TBC1D14: variants seen among roughly 807,000 people sequenced by gnomAD.
TBC1D14 encodes the protein TBC1 domain family member 14.
A neutral mutation model predicts 79.0 loss-of-function variants in TBC1D14; 26 were observed. The observed-to-expected ratio is 0.33, with a 90% CI of 0.24 to 0.46. The LOEUF is 0.46. TBC1D14 is among the 20% of genes least tolerant of loss of function. The pLI is 1.00. For synonymous variants in TBC1D14, 394 were observed against 349.9 expected, an observed-to-expected ratio of 1.13 and a Z score of -1.40; for missense variants, 769 against 887.6, an observed-to-expected ratio of 0.87 and a Z score of 1.70.
intron 7 of TBC1D14, among the ~76,000 whole-genome samples, chr4:7,004,400 A>G (rs1213611572): frequency 2.0e-5 from 3 of 152,174 alleles, no homozygotes; most frequent in Non-Finnish European, 4.4e-5. Context: ...CTTGAAACCC[A>G]ATGATTCTCT....
rs1281176455 is a variant in TBC1D14, at chr4:7,006,527, G to A, written c.1352-105G>A. ...GATGTGATTAGGTCAGTGTGCTTCT[G>A]AAAAACTTTTTTCCGTGTTTTGTTC... On this transcript the variant is annotated intron_variant, in intron 8 of 13. Transcript: ENST00000409757. 4 of 934,998 alleles carry A rather than the reference G, an allele frequency of 4.3e-6. No homozygotes were observed. The African/African-American group carries it at 5.0e-5, about 12-fold the overall frequency. The allele number at this position is 934,998 out of a possible 1,614,324, so 57.9% of individuals were successfully genotyped here.
rs767446186 is a variant in TBC1D14, at chr4:7,030,402, G to A, written c.*10G>A. Reference sequence around the variant, plus strand: ...GTCCCTCCGACACTGAGGCTGCAGCGGGAATTCGCACTCGGCACCAATCAG... The same window carrying A: ...GTCCCTCCGACACTGAGGCTGCAGCAGGAATTCGCACTCGGCACCAATCAG... On this transcript the variant is annotated 3_prime_UTR_variant, in exon 14 of 14. Coordinates refer to ENST00000409757, the MANE Select transcript of TBC1D14 (RefSeq NM_020773.3). 3.7e-6 allele frequency: 6 copies of A among 1,613,682 alleles called. No individual in the cohort carries two copies. Among genetic ancestry groups the A allele is most frequent in the East Asian group, 2.2e-5 (1 of 44,872 alleles).
At chr4:6,989,285 C>T (rs1718240367) in intron 3 of TBC1D14, among the ~76,000 whole-genome samples, 1 of 152,132 alleles carries the variant, frequency 6.6e-6, no homozygotes, top group Non-Finnish European at 1.5e-5. Flanking sequence ...CCTCTCTCTC[C>T]TGGGGCTTGT....
intron 2 of TBC1D14, among the ~76,000 whole-genome samples, chr4:6,962,813 G>A (rs66978412): frequency 0.13 from 20,454 of 152,072 alleles, 1,818 homozygotes; most frequent in African/African-American, 0.24. Context: ...GCCTTGATTC[G>A]TCTGGGTTGC....
intron 13 of TBC1D14, among the ~76,000 whole-genome samples, chr4:7,028,571 C>T (rs1319140178): frequency 6.6e-6 from 1 of 151,968 alleles, no homozygotes; most frequent in Non-Finnish European, 1.5e-5. Context: ...GGATTACAGG[C>T]GCCCGCCTCC....
chr4:6,952,229 A>G (rs1165805946), intron 2 of TBC1D14, among the ~76,000 whole-genome samples: 3 of 152,220 alleles, frequency 2.0e-5, no homozygotes, highest in Admixed American at 1.3e-4. Context: ...TCGTTGAACC[A>G]GAGATTGCTG....
intron 2 of TBC1D14, among the ~76,000 whole-genome samples, chr4:6,962,654 C>G (rs1212908919): frequency 6.6e-6 from 1 of 152,010 alleles, no homozygotes; most frequent in Non-Finnish European, 1.5e-5. Flanking sequence ...CTACTGGCCA[C>G]CCCCCAGCTC....
intron 2 of TBC1D14, among the ~76,000 whole-genome samples, chr4:6,949,942 A>G (rs1001416801): frequency 6.6e-6 from 1 of 152,104 alleles, no homozygotes. Context: ...CATGTGCAGA[A>G]CATGCAGGTT....
chr4:6,926,717 T>C (rs894525840), intron 2 of TBC1D14, among the ~76,000 whole-genome samples: 2 of 152,244 alleles, frequency 1.3e-5, no homozygotes, highest in East Asian at 1.9e-4. Context: ...CCAGAATCTT[T>C]AGAGCTCACT....
chr4:6,989,022 A>G (rs1718201522), intron 3 of TBC1D14, among the ~76,000 whole-genome samples: 1 of 151,544 alleles, frequency 6.6e-6, no homozygotes, highest in African/African-American at 2.4e-5. Context: ...CCACAGGCAC[A>G]GCACCTCTGT....
intron 3 of TBC1D14, among the ~76,000 whole-genome samples, chr4:6,981,744 A>G (rs551680793): frequency 6.6e-6 from 1 of 152,236 alleles, no homozygotes; most frequent in African/African-American, 2.4e-5. Context: ...AGTGTCAGCT[A>G]CCATACTACC....
intron 3 of TBC1D14, among the ~76,000 whole-genome samples, chr4:6,969,266 T>G (rs1194934329): frequency 6.6e-6 from 1 of 152,208 alleles, no homozygotes; most frequent in Non-Finnish European, 1.5e-5. Flanking sequence ...TCTTAGGAAA[T>G]TAAATAACCA....
At chr4:6,990,243 G>A (rs1306719765) in intron 3 of TBC1D14, among the ~76,000 whole-genome samples, 1 of 152,202 alleles carries the variant, frequency 6.6e-6, no homozygotes, top group African/African-American at 2.4e-5. Flanking sequence ...GAGATCAGGA[G>A]TTCCAGACCA....
At chr4:6,959,705 T>C (rs1715004105) in intron 2 of TBC1D14, among the ~76,000 whole-genome samples, 1 of 152,168 alleles carries the variant, frequency 6.6e-6, no homozygotes, top group Non-Finnish European at 1.5e-5. Context: ...AATAAACATT[T>C]TTATGTCTCT....
intron 3 of TBC1D14, among the ~76,000 whole-genome samples, chr4:6,982,871 C>A (rs570575696): frequency 1.3e-5 from 2 of 152,076 alleles, no homozygotes; most frequent in African/African-American, 4.8e-5. Flanking sequence ...AATGCAGAGA[C>A]CATATTTGGA....
At chr4:6,982,870 A>G (rs1288085666) in intron 3 of TBC1D14, among the ~76,000 whole-genome samples, 1 of 152,210 alleles carries the variant, frequency 6.6e-6, no homozygotes. Flanking sequence ...AAATGCAGAG[A>G]CCATATTTGG....
At chr4:6,983,304 G>A (rs746492137) in intron 3 of TBC1D14, among the ~76,000 whole-genome samples, 5 of 152,044 alleles carry the variant, frequency 3.3e-5, no homozygotes, top group Non-Finnish European at 7.3e-5. Context: ...TTAATGTGTA[G>A]AATGACAGAA....
intron 4 of TBC1D14, among the ~76,000 whole-genome samples, chr4:6,994,864 C>CAA (rs34072749): frequency 7.6e-5 from 8 of 105,316 alleles, no homozygotes; most frequent in African/African-American, 1.6e-4. Context: ...AACTCCGTCT[C>CAA]AAAAAAAAAA....
chr4:6,950,985 A>G (rs1232428511), intron 2 of TBC1D14, among the ~76,000 whole-genome samples: 1 of 152,190 alleles, frequency 6.6e-6, no homozygotes, highest in East Asian at 1.9e-4. Flanking sequence ...TGAACCTACC[A>G]GTGTGTTAAA....
Sources: allele counts gnomAD v4.1 joint callset (sites outside exome capture counted in the v4.1 genomes callset), GRCh38; gene constraint gnomAD v4.1.1; transcripts MANE v1.5; gene names NCBI Gene and HGNC (gene_info 2026-07-23, HGNC 2026-07-21).